FANCD2OS: variants seen among roughly 807,000 people sequenced by gnomAD.
The protein encoded by FANCD2OS is FANCD2 opposite strand.
Under a neutral mutation model 13.2 loss-of-function variants are expected in FANCD2OS, and 11 were observed. The observed-to-expected ratio is 0.83, with a 90% confidence interval of 0.52 to 1.38. The LOEUF is 1.38. FANCD2OS is among the 40% of genes most tolerant of loss of function. FANCD2OS has a pLI of 0.00. For missense variants in FANCD2OS, 217 were observed against 213.9 expected (o/e 1.01, Z -0.09); for synonymous variants, 69 against 84.5 (o/e 0.82, Z 1.01).
Position 10,086,988 on chromosome 3 carries a change from G to A in FANCD2OS, c.*44-5457C>T, listed in dbSNP as rs571185995. ...TTTTCTACCAAGATGCTTGAAGAGG[G>A]TTGCTACTAAAGCACCTGAAAATAA... On this transcript the variant is annotated intron_variant, in intron 2 of 2. Coordinates refer to the FANCD2OS transcript ENST00000524279. The A allele has an allele frequency of 1.3e-5, 11 of 866,870 alleles. No individual in the cohort carries two copies. The South Asian group carries it at 1.3e-4, about 11-fold the overall frequency. 53.7% of individuals were successfully genotyped at this position (866,870 alleles called of 1,614,324 possible).
At chr3:10,098,488 T>C (rs1695110923), downstream of FANCD2OS, among the ~76,000 whole-genome samples, 1 of 152,224 alleles carries the variant, frequency 6.6e-6, no homozygotes, top group South Asian at 2.1e-4. Flanking sequence ...ACTAGCATAC[T>C]AAGATGAACC....
chr3:10,094,975 G>T (rs749754982), intron 2 of FANCD2OS: 2 of 558,792 alleles, frequency 3.6e-6, no homozygotes, highest in Non-Finnish European at 6.4e-6. Context: ...AAACTAAAAT[G>T]CAGGTCTTAT....
chr3:10,096,562 C>T (rs1327162057), intron 2 of FANCD2OS: 7 of 1,217,486 alleles, frequency 5.7e-6, no homozygotes, highest in African/African-American at 3.0e-5. Flanking sequence ...CCTAAGCCCT[C>T]GTCTCTCAGT....
downstream of FANCD2OS, chr3:10,101,375 C>CAA: frequency 1.7e-6 from 1 of 581,586 alleles, no homozygotes; most frequent in Non-Finnish European, 2.9e-6. Context: ...TTTTTTGTTC[C>CAA]TCTTTTTTTT....
At chr3:10,085,651 A>T in intron 2 of FANCD2OS, 1 of 639,100 alleles carries the variant, frequency 1.6e-6, no homozygotes, top group Non-Finnish European at 3.0e-6. Flanking sequence ...CAGCCTCCCG[A>T]AGTGCTGGGA....
chr3:10,095,002 C>T (rs1210044032), intron 2 of FANCD2OS: 9 of 609,418 alleles, frequency 1.5e-5, no homozygotes, highest in Non-Finnish European at 1.5e-5. Context: ...CAGATTGATA[C>T]AAGGGACAGA....
rs138409505 is a variant in FANCD2OS at position 10,088,525 on chromosome 3, G to A, written c.*44-6994C>T. The A allele has an allele frequency of 2.5e-6, 4 of 1,604,682 alleles. No homozygotes were observed. The African/African-American group carries it at 4.0e-5, about 16-fold the overall frequency. On this transcript the variant is annotated intron_variant, in intron 2 of 2. Coordinates refer to the FANCD2OS transcript ENST00000524279. ...AGAAGAGCAACATCTCTAATGACCA[G>A]CTCCATGCTCTGCTCTGGTGAGATG... is the stretch of plus-strand genomic sequence containing the variant.
At chr3:10,104,922 G>C (rs180710678) in intron 1 of FANCD2OS, 140 bp from the exon 2 acceptor site, 237 of 510,078 alleles carry the variant, frequency 4.6e-4, no homozygotes, top group Non-Finnish European at 5.1e-4. Flanking sequence ...CAGGTGTTAG[G>C]ATATTAGTAA....
intron 2 of FANCD2OS, among the ~76,000 whole-genome samples, chr3:10,081,982 C>A (rs932558770): frequency 6.6e-6 from 1 of 152,190 alleles, no homozygotes. Context: ...TCTCATTATA[C>A]AAGATTTCTG....
Position 10,085,906 on chromosome 3 carries a change from T to G in FANCD2OS, c.*44-4375A>C, listed in dbSNP as rs1325146733. ...GAAACAGGGAGAACACAGCCAGCCT[T>G]TGGAGGAACTACTCAGGTGAGTCAT... is the stretch of plus-strand genomic sequence containing the variant. On this transcript the variant is annotated intron_variant, in intron 2 of 2. Coordinates refer to the FANCD2OS transcript ENST00000524279. The G allele has an allele frequency of 1.9e-6, 3 of 1,610,450 alleles. No individual in the cohort carries two copies. The highest frequency in any genetic ancestry group is 1.7e-4 in the Middle Eastern group (1 of 6,054).
chr3:10,088,607 C>A, intron 2 of FANCD2OS: 2 of 1,235,864 alleles, frequency 1.6e-6, no homozygotes, highest in South Asian at 1.2e-5. Flanking sequence ...TGTTGTTTGT[C>A]AGAGACTGGA....
chr3:10,089,477 A>ATTGTTTTGTT (rs1206741118), intron 2 of FANCD2OS, among the ~76,000 whole-genome samples: 1 of 151,268 alleles, frequency 6.6e-6, no homozygotes, highest in Non-Finnish European at 1.5e-5. Context: ...TTTGTTTTGT[A>ATTGTTTTGTT]TTGTTTTGTT....
rs201184977 is a variant in FANCD2OS at position 10,081,448 on chromosome 3, C to G, written c.*127G>C. ...CTATCAGAGGCTGCTGCAGATTTTT[C>G]ATGGGCTTTTTGCTTGGTAAGTATG... On this transcript the variant is annotated 3_prime_UTR_variant, in exon 3 of 3. Coordinates refer to the FANCD2OS transcript ENST00000524279. The G allele has an allele frequency of 1.2e-6, 2 of 1,612,978 alleles. No individual in the cohort carries two copies. The highest frequency in any genetic ancestry group is 1.7e-6 in the Non-Finnish European group (2 of 1,178,944).
chr3:10,086,994 A>G (rs1694245555), intron 2 of FANCD2OS: 1 of 924,908 alleles, frequency 1.1e-6, no homozygotes, highest in East Asian at 2.4e-5. Context: ...GAGGGTTGCT[A>G]CTAAAGCACC....
chr3:10,088,856 C>G (rs1246123921), intron 2 of FANCD2OS: 2 of 1,614,066 alleles, frequency 1.2e-6, no homozygotes, highest in Non-Finnish European at 1.7e-6. Flanking sequence ...AGAGAGCATT[C>G]TGAAGGCCAT....
intron 1 of FANCD2OS, among the ~76,000 whole-genome samples, chr3:10,106,271 C>T (rs1309270067): frequency 6.6e-6 from 1 of 152,104 alleles, no homozygotes; most frequent in East Asian, 1.9e-4. Context: ...CCTACTGGTT[C>T]CATAAGACCT....
chr3:10,108,429 G>A (rs1489180554), upstream of FANCD2OS, among the ~76,000 whole-genome samples: 1 of 152,180 alleles, frequency 6.6e-6, no homozygotes, highest in Non-Finnish European at 1.5e-5. Flanking sequence ...GCCTTGTCCA[G>A]GACTTGGCCT....
At chr3:10,081,463 T>C in exon 3 of FANCD2OS, 1 of 1,601,346 alleles carries the variant, frequency 6.2e-7, no homozygotes, top group Non-Finnish European at 8.6e-7. Context: ...GCTTTTTGCT[T>C]GGTAAGTATG....
downstream of FANCD2OS, chr3:10,101,680 G>C (rs749470358): frequency 7.2e-6 from 2 of 278,512 alleles, no homozygotes; most frequent in Non-Finnish European, 1.4e-5. Flanking sequence ...ACCGCTCCCA[G>C]CCATATTTTG....
Sources: allele counts gnomAD v4.1 joint callset (sites outside exome capture counted in the v4.1 genomes callset), GRCh38; gene constraint gnomAD v4.1.1; transcripts MANE v1.5; gene names NCBI Gene and HGNC (gene_info 2026-07-23, HGNC 2026-07-21).